CNTN6: variants seen among roughly 807,000 people sequenced by gnomAD.
The protein encoded by CNTN6 is contactin-6.
In CNTN6, 137 loss-of-function variants were observed where a neutral mutation model predicts 122.8. That is an observed-to-expected ratio of 1.12 (90% CI 0.97 to 1.29). The LOEUF (loss-of-function observed/expected upper bound fraction) is 1.29, where lower values mean the gene tolerates loss of function less well. Among genes scored for constraint, CNTN6 ranks in the 50% most tolerant of loss-of-function variants. The pLI is 0.00. For synonymous variants in CNTN6, 570 were observed against 426.0 expected (o/e 1.34, Z -4.16); for missense variants, 1,634 against 1,223.4 (o/e 1.34, Z -5.01).
At chr3:1,244,741 G>A (rs1289080625) in intron 4 of CNTN6, among the ~76,000 whole-genome samples, 1 of 152,100 alleles carries the variant, frequency 6.6e-6, no homozygotes, top group Admixed American at 6.5e-5. Context: ...GGGAGATAGG[G>A]GTGGGGCTGT....
chr3:1,286,618 A>T (rs1331985859), intron 5 of CNTN6, among the ~76,000 whole-genome samples: 2 of 152,182 alleles, frequency 1.3e-5, no homozygotes, highest in Non-Finnish European at 2.9e-5. Flanking sequence ...AGATAGATAG[A>T]CATAATATCC....
At chr3:1,108,966 G>A (rs978504978) in intron 1 of CNTN6, among the ~76,000 whole-genome samples, 4 of 151,934 alleles carry the variant, frequency 2.6e-5, no homozygotes, top group Non-Finnish European at 5.9e-5. Context: ...TAAAGCAATT[G>A]TAGTAAAGTA....
Position 1,327,594 on chromosome 3 carries a change from G to A in CNTN6, c.1213+8G>A, listed in dbSNP as rs265776. On this transcript the variant is annotated splice_region_variant and intron_variant, in intron 10 of 22. Transcript: ENST00000446702. ...CTGAATTGAGAGTTTTAGGTAAGTC[G>A]TTTATTTACAACCAACAAATTCAAA... 0.15 allele frequency: 242,827 copies of A among 1,606,062 alleles called. 19,162 individuals are homozygous for A. The highest frequency in any genetic ancestry group is 0.19 in the Middle Eastern group (1,100 of 5,744).
intron 5 of CNTN6, among the ~76,000 whole-genome samples, chr3:1,285,952 C>G (rs1337763369): frequency 6.6e-6 from 1 of 152,186 alleles, no homozygotes; most frequent in Non-Finnish European, 1.5e-5. Context: ...TCTTCCCACT[C>G]TTCATAGCTG....
At chr3:1,300,001 GA>G (rs1164702079) in intron 7 of CNTN6, among the ~76,000 whole-genome samples, 1 of 151,558 alleles carries the variant, frequency 6.6e-6, no homozygotes, top group African/African-American at 2.4e-5. Flanking sequence ...TTTTGAGACG[GA>G]GTCTTGCTCT....
chr3:1,286,390 C>T (rs772342625), intron 5 of CNTN6, among the ~76,000 whole-genome samples: 2 of 152,046 alleles, frequency 1.3e-5, no homozygotes, highest in African/African-American at 4.8e-5. Flanking sequence ...ATGGGCCCCT[C>T]CCTGTGTCCA....
In CNTN6 at chr3:1,277,346, C is replaced by CTTTTTTTTTTTTTTTTTT. The variant is rs10599744; in HGVS notation, c.359-1053_359-1036dup. 1.0e-4 allele frequency among the ~76,000 whole-genome samples: 8 copies of CTTTTTTTTTTTTTTTTTT among 80,170 alleles called. 1 individual carries two copies. The highest frequency in any genetic ancestry group is 5.0e-4 in the Admixed American group (3 of 6,032). 52.6% of individuals were successfully genotyped at this position (80,170 alleles called of 152,430 possible). On this transcript the variant is annotated intron_variant, in intron 4 of 22. Coordinates refer to ENST00000446702, the MANE Select transcript of CNTN6 (RefSeq NM_001289080.2). ...CTACTTCTGTCTTTTAGTAGGTTTT[C>CTTTTTTTTTTTTTTTTTT]TTTTTTTTTTTTTTTTTTTTTTTTT...
intron 4 of CNTN6, among the ~76,000 whole-genome samples, chr3:1,229,090 G>A (rs1345971172): frequency 2.6e-5 from 4 of 152,070 alleles, no homozygotes; most frequent in African/African-American, 9.7e-5. Flanking sequence ...GTTGCTAACT[G>A]TATCCAAATG....
intron 5 of CNTN6, among the ~76,000 whole-genome samples, chr3:1,278,851 G>A (rs1349113478): frequency 6.6e-6 from 1 of 152,052 alleles, no homozygotes; most frequent in Non-Finnish European, 1.5e-5. Context: ...CCACTTTGAG[G>A]CTTGGTTTTC....
intron 4 of CNTN6, among the ~76,000 whole-genome samples, chr3:1,248,829 C>G (rs1205691590): frequency 6.6e-6 from 1 of 151,386 alleles, no homozygotes; most frequent in Non-Finnish European, 1.5e-5. Flanking sequence ...GCACTCCAGC[C>G]TGGACAACAA....
At chr3:1,102,007 G>T (rs2090922815) in intron 1 of CNTN6, among the ~76,000 whole-genome samples, 1 of 152,052 alleles carries the variant, frequency 6.6e-6, no homozygotes, top group South Asian at 2.1e-4. Context: ...ATATTGGATG[G>T]GTCCTTTTAA....
chr3:1,200,254 G>C (rs13096295), intron 2 of CNTN6, among the ~76,000 whole-genome samples: 5 of 152,030 alleles, frequency 3.3e-5, no homozygotes, highest in South Asian at 2.1e-4. Flanking sequence ...GACTGGTCTC[G>C]AACTCCTTGC....
In CNTN6 at chr3:1,335,747, G is replaced by C. The variant is rs80189970; in HGVS notation, c.1364+5812G>C. Among the ~76,000 whole-genome samples, 1,391 of 152,212 alleles carry C rather than the reference G, an allele frequency of 9.1e-3. 18 individuals carry two copies. Among genetic ancestry groups the C allele is most frequent in the African/African-American group, 0.031 (1,273 of 41,540 alleles). ...AGAATACCATTATACAATTGAATCTGGTTGGGTGCAGTGGCTCATGCCTGT... is the reference window on the plus strand; with the variant it reads ...AGAATACCATTATACAATTGAATCTCGTTGGGTGCAGTGGCTCATGCCTGT... On this transcript the variant is annotated intron_variant, in intron 11 of 22. Coordinates refer to ENST00000446702, the MANE Select transcript of CNTN6 (RefSeq NM_001289080.2).
chr3:1,102,974 G>GT lies in CNTN6; in HGVS notation c.-83+9854_-83+9855insT, dbSNP rs1559317207. On this transcript the variant is annotated intron_variant, in intron 1 of 22. Coordinates refer to ENST00000446702, the MANE Select transcript of CNTN6 (RefSeq NM_001289080.2). ...TACAAGAAATTAGCCGGGCGTGGTG[G>GT]CGGCGCCTGTGGTCCCAGCTACTCG... is the stretch of plus-strand genomic sequence containing the variant. Among the ~76,000 whole-genome samples, 23 of 147,658 alleles carry GT rather than the reference G, an allele frequency of 1.6e-4. No individual in the cohort carries two copies. In the East Asian group the frequency reaches 2.0e-3, roughly 13 times the overall value.
chr3:1,228,138 A>C, intron 4 of CNTN6, 145 bp downstream of exon 4: 1 of 700,180 alleles, frequency 1.4e-6, no homozygotes. Context: ...CATTTTGTGA[A>C]TCTAGATTCT....
At chr3:1,377,991 C>G (rs779833808) in intron 17 of CNTN6, among the ~76,000 whole-genome samples, 11 of 152,146 alleles carry the variant, frequency 7.2e-5, no homozygotes, top group Non-Finnish European at 1.6e-4. Flanking sequence ...GGACTCCCAA[C>G]TGCAATTCCT....
intron 4 of CNTN6, among the ~76,000 whole-genome samples, chr3:1,241,443 A>G (rs2094482682): frequency 6.6e-6 from 1 of 151,948 alleles, no homozygotes; most frequent in Admixed American, 6.6e-5. Context: ...TATTGTGCGG[A>G]TGTTAGAAGA....
intron 11 of CNTN6, among the ~76,000 whole-genome samples, chr3:1,347,379 G>T (rs1704894031): frequency 6.6e-6 from 1 of 152,088 alleles, no homozygotes; most frequent in South Asian, 2.1e-4. Context: ...TGTGTGAACA[G>T]TTAAAATATT....
rs117828385 is a variant in CNTN6 at position 1,268,789 on chromosome 3, C to T, written c.359-9624C>T. Among the ~76,000 whole-genome samples, 65 of 151,674 alleles carry T rather than the reference C, an allele frequency of 4.3e-4. 1 individual carries two copies. The East Asian group carries it at 8.8e-3, about 20-fold the overall frequency. ...AGAAAATATGTCTCGTTACATCATC[C>T]GACACTGAGATGAAAGCTGAAAAAA... On this transcript the variant is annotated intron_variant, in intron 4 of 22. Transcript: ENST00000446702.
Sources: gnomAD v4.1 joint callset for allele counts (sites outside exome capture counted in the v4.1 genomes callset) on GRCh38, gnomAD v4.1.1 for gene constraint, MANE v1.5 for transcripts, NCBI Gene and HGNC (gene_info 2026-07-23, HGNC 2026-07-21) for gene names.